Variants in TMEM245 observed in about 807,000 individuals in gnomAD.
TMEM245 encodes transmembrane protein 245, also known as protein CG-2.
TMEM245 carries 69 observed loss-of-function variants against 101.2 expected under a neutral mutation model. The ratio of observed to expected loss-of-function variants is 0.68; its 90% CI spans 0.56 to 0.83. TMEM245 has a LOEUF of 0.83. Among genes scored for constraint, TMEM245 ranks in the 40% least tolerant of loss-of-function variants. The probability of loss-of-function intolerance (pLI) is 0.00; values close to 1 mark genes in which losing one functional copy is unlikely to be tolerated. For synonymous variants in TMEM245, 537 were observed against 449.8 expected (o/e 1.19, Z -2.45); for missense variants, 1,075 against 1,092.8 (o/e 0.98, Z 0.23).
At chr9:109,113,999 C>G (rs1196015899) in intron 1 of TMEM245, among the ~76,000 whole-genome samples, 1 of 152,126 alleles carries the variant, frequency 6.6e-6, no homozygotes, top group Non-Finnish European at 1.5e-5. Flanking sequence ...TCACTTGAAC[C>G]CGGGAGGCAG....
At chr9:109,058,077 T>A (rs2132424140) in intron 11 of TMEM245, among the ~76,000 whole-genome samples, 1 of 151,114 alleles carries the variant, frequency 6.6e-6, no homozygotes. Context: ...TTCGGCTCAC[T>A]GCAAACTCCG....
At chr9:109,066,821 C>T (rs970057012) in intron 9 of TMEM245, among the ~76,000 whole-genome samples, 4 of 151,778 alleles carry the variant, frequency 2.6e-5, no homozygotes, top group South Asian at 2.1e-4. Context: ...TTTGAGAGGC[C>T]GAGGCGGGTG....
At chr9:109,031,290 G>T (rs1472297057) in intron 17 of TMEM245, among the ~76,000 whole-genome samples, 2 of 152,132 alleles carry the variant, frequency 1.3e-5, no homozygotes, top group Non-Finnish European at 1.5e-5. Flanking sequence ...GGCAAAATAA[G>T]AAATTTTTTT....
intron 8 of TMEM245, among the ~76,000 whole-genome samples, chr9:109,075,131 A>T (rs1333333982): frequency 2.0e-5 from 3 of 152,246 alleles, no homozygotes; most frequent in Non-Finnish European, 4.4e-5. Context: ...GCAGGACAGT[A>T]GCGGTACTGA....
In TMEM245 at chr9:109,119,905, G is replaced by A. The variant is rs1359868939; in HGVS notation, c.9C>T (p.Asp3=). The change falls in exon 1 of 18, where the codon GAC becomes GAT. Residue 3 remains aspartate (D), a synonymous_variant. Transcript: ENST00000374586. Reference sequence around the variant, plus strand: ...TTGGCGCGTCCTTAGGGCCGCCGCCGTCGGCCATCGTTCCTCCGCCACAGC... The same window carrying A: ...TTGGCGCGTCCTTAGGGCCGCCGCCATCGGCCATCGTTCCTCCGCCACAGC... MA[D]GGGPKDAPSL... 2.4e-6 allele frequency: 3 copies of A among 1,273,444 alleles called. No homozygotes were observed. The highest frequency in any genetic ancestry group is 6.2e-5 in the East Asian group (2 of 32,478). The allele number at this position is 1,273,444 out of a possible 1,614,324, so 78.9% of individuals were successfully genotyped here.
intron 1 of TMEM245, among the ~76,000 whole-genome samples, chr9:109,115,522 C>CTTTTTTT (rs752894720): frequency 1.5e-5 from 1 of 67,194 alleles, no homozygotes; most frequent in Non-Finnish European, 2.6e-5. Flanking sequence ...TAACTGGAAT[C>CTTTTTTT]TTTTTTTTTT....
At chr9:109,073,322 T>C in intron 9 of TMEM245, 34 bp downstream of exon 9, 1 of 1,509,056 alleles carries the variant, frequency 6.6e-7, no homozygotes, top group Non-Finnish European at 9.2e-7. Flanking sequence ...ACTAGGCCAT[T>C]CATCTCTCTT....
chr9:109,083,489 A>C (rs759982037), intron 7 of TMEM245, among the ~76,000 whole-genome samples: 42 of 152,178 alleles, frequency 2.8e-4, no homozygotes, highest in Non-Finnish European at 5.3e-4. Context: ...TTTTTCAAAA[A>C]AAGAGAAGTA....
chr9:109,032,848 G>C (rs1281808978), intron 17 of TMEM245, among the ~76,000 whole-genome samples: 1 of 140,592 alleles, frequency 7.1e-6, no homozygotes, highest in East Asian at 2.1e-4. Context: ...GCCCAGGCTA[G>C]AGTCCAGTGG....
chr9:109,048,872 C>A (rs140080505), intron 14 of TMEM245, among the ~76,000 whole-genome samples: 3 of 152,326 alleles, frequency 2.0e-5, no homozygotes, highest in Non-Finnish European at 4.4e-5. Context: ...CTGGCCAGAA[C>A]CTCCAGTGCA....
chr9:109,074,175 T>C (rs1046095588), intron 8 of TMEM245, among the ~76,000 whole-genome samples: 2 of 152,006 alleles, frequency 1.3e-5, no homozygotes, highest in Non-Finnish European at 2.9e-5. Context: ...CTAAGTAAGG[T>C]TTCTGAGTAA....
intron 4 of TMEM245, among the ~76,000 whole-genome samples, chr9:109,092,077 G>C (rs1830023673): frequency 6.6e-6 from 1 of 152,074 alleles, no homozygotes; most frequent in Non-Finnish European, 1.5e-5. Context: ...TTTTCCCCCT[G>C]GTCTTTTACA....
Position 109,036,255 on chromosome 9 carries a change from G to C in TMEM245, c.2350C>G (p.Leu784Val). ...GTATCTACAAAGTATGTTGGCAAGA[G>C]ATGAAAAATCAACAGTAAAATGGCC... is the stretch of plus-strand genomic sequence containing the variant. The part of the protein sequence containing the change: ...CKAILLLIFH[L>V]LPTYFVDTAI... The change falls in exon 16 of 18, where the codon CTC becomes GTC. Residue 784 changes from leucine (L) to valine (V), a missense_variant. Physicochemically the swap from Leu to Val is conservative, Grantham distance 32. This residue lies in a region of TMEM245 where 267 missense variants were observed against 351.3 expected (regional missense o/e 0.76). Coordinates refer to ENST00000374586, the MANE Select transcript of TMEM245 (RefSeq NM_032012.4). The C allele has an allele frequency of 2.5e-6, 4 of 1,613,686 alleles. No homozygotes were observed. The highest frequency in any genetic ancestry group is 3.4e-6 in the Non-Finnish European group (4 of 1,179,960).
At position 109,087,176 on chromosome 9, in the gene TMEM245, G is replaced by A. The variant is rs781299857; in HGVS notation, c.1317C>T (p.Ser439=). ...GLGKFLLKVD[S]KLWHWLNKKM... is the part of the protein sequence containing the mutation. ...CCAAGTCCTTAAAATACAATACCTTGCTATCAACTTTTAACAAGAATTTTC... is the reference window on the plus strand; with the variant it reads ...CCAAGTCCTTAAAATACAATACCTTACTATCAACTTTTAACAAGAATTTTC... Residue 439 remains serine (S), a synonymous_variant, in exon 6 of 18, where the codon AGC becomes AGT. Coordinates refer to ENST00000374586, the MANE Select transcript of TMEM245 (RefSeq NM_032012.4). 1 of 1,605,534 alleles carries A rather than the reference G, an allele frequency of 6.2e-7. No homozygotes were observed. The highest frequency in any genetic ancestry group is 1.3e-5 in the African/African-American group (1 of 74,356).
intron 1 of TMEM245, among the ~76,000 whole-genome samples, chr9:109,117,931 T>C (rs1038285054): frequency 1.3e-5 from 2 of 152,224 alleles, no homozygotes; most frequent in African/African-American, 4.8e-5. Flanking sequence ...ATTGTGAAAC[T>C]GCAAGATAAA....
chr9:109,023,791 G>A (rs1339472684), intron 17 of TMEM245, among the ~76,000 whole-genome samples: 13 of 150,382 alleles, frequency 8.6e-5, no homozygotes, highest in Non-Finnish European at 1.9e-4. Flanking sequence ...AGCCCAGATC[G>A]CGCCACTGCA....
intron 9 of TMEM245, among the ~76,000 whole-genome samples, chr9:109,068,812 A>G: frequency 6.6e-6 from 1 of 152,230 alleles, no homozygotes; most frequent in East Asian, 1.9e-4. Flanking sequence ...TATTCTCAAA[A>G]TGATTTTATA....
intron 9 of TMEM245, among the ~76,000 whole-genome samples, chr9:109,070,946 ATCTTGGC>A (rs1588050672): frequency 6.6e-6 from 1 of 152,098 alleles, no homozygotes; most frequent in Non-Finnish European, 1.5e-5. Context: ...CAGTGGTGCA[ATCTTGGC>A]TCACTGCAAC....
chr9:109,023,252 G>T (rs1478160146), intron 17 of TMEM245, among the ~76,000 whole-genome samples: 1 of 152,156 alleles, frequency 6.6e-6, no homozygotes, highest in African/African-American at 2.4e-5. Context: ...GAACTCTACT[G>T]AAGTAACACT....
Sources: gnomAD v4.1 joint callset for allele counts (sites outside exome capture counted in the v4.1 genomes callset) on GRCh38, gnomAD v4.1.1 for gene constraint, gnomAD v4.1.1 regional missense constraint, MANE v1.5 for transcripts, NCBI Gene and HGNC (gene_info 2026-07-23, HGNC 2026-07-21) for gene names.